SH3PXD2A: variants seen among roughly 807,000 people sequenced by gnomAD.
The protein encoded by SH3PXD2A is SH3 and PX domains 2A.
SH3PXD2A carries 32 observed loss-of-function variants against 115.2 expected under a neutral mutation model. The observed-to-expected ratio is 0.28, with a 90% CI of 0.21 to 0.37. The LOEUF is 0.37. Ranked by LOEUF, SH3PXD2A falls within the 10% of genes least tolerant of loss-of-function variation. The pLI, the probability that SH3PXD2A is intolerant of heterozygous loss-of-function variation, is 1.00. For missense variants in SH3PXD2A, 1,328 were observed against 1,498.7 expected (o/e 0.89, Z 1.88); for synonymous variants, 610 against 629.1 (o/e 0.97, Z 0.45).
rs888408524 is a variant in SH3PXD2A at position 103,598,966 on chromosome 10, A to T, written c.*2850T>A. 1 of 152,592 alleles carries T rather than the reference A, an allele frequency of 6.6e-6. No homozygotes were observed. The highest frequency in any genetic ancestry group is 6.5e-5 in the Admixed American group (1 of 15,288). 9.5% of individuals were successfully genotyped at this position (152,592 alleles called of 1,614,324 possible). A position where few individuals can be genotyped will look rare whatever the true frequency, so the allele number is the denominator to read the frequency against. Reference sequence around the variant, plus strand: ...TCACTGCCCAAATCTACATGCTGTCACCAGATGGCAGCATTCCCCACTTTT... The same window carrying T: ...TCACTGCCCAAATCTACATGCTGTCTCCAGATGGCAGCATTCCCCACTTTT... On this transcript the variant is annotated 3_prime_UTR_variant, in exon 15 of 15. Transcript: ENST00000369774.
chr10:103,736,843 T>C (rs1438449636), intron 3 of SH3PXD2A: 1 of 1,179,818 alleles, frequency 8.5e-7, no homozygotes, highest in East Asian at 5.7e-5. Flanking sequence ...GAAGGCATCT[T>C]CCACTCCCAG....
rs574391392 is a variant in SH3PXD2A, at chr10:103,600,915, A to C, written c.*901T>G. The C allele has an allele frequency of 6.6e-6, 1 of 152,318 alleles. No homozygotes were observed. The highest frequency in any genetic ancestry group is 6.5e-5 in the Admixed American group (1 of 15,302). 9.4% of individuals were successfully genotyped at this position (152,318 alleles called of 1,614,324 possible). On this transcript the variant is annotated 3_prime_UTR_variant, in exon 15 of 15. Coordinates refer to ENST00000369774, the MANE Select transcript of SH3PXD2A (RefSeq NM_001394015.1). Reference sequence around the variant, plus strand: ...ATCCCCTTCCCATGTGAGGCCGACCACCCAGGCCCCCAAACAACCCCTAAA... The same window carrying C: ...ATCCCCTTCCCATGTGAGGCCGACCCCCCAGGCCCCCAAACAACCCCTAAA...
At chr10:103,662,019 G>A in intron 7 of SH3PXD2A, 2 of 928,734 alleles carry the variant, frequency 2.2e-6, no homozygotes, top group Non-Finnish European at 2.6e-6. Context: ...CCTGCCCCCA[G>A]CCCTGCTTCC....
chr10:103,855,146 C>G, intron 1 of SH3PXD2A, 49 bp downstream of exon 1: 1 of 1,420,728 alleles, frequency 7.0e-7, no homozygotes, highest in Admixed American at 2.3e-5. Context: ...CCGGGGCCCT[C>G]CCGGGACCTC....
rs141721736 is a variant in SH3PXD2A at position 103,808,686 on chromosome 10, C to T, written c.73-7324G>A. Among the ~76,000 whole-genome samples, 113 of 152,292 alleles carry T rather than the reference C, an allele frequency of 7.4e-4. 1 individual carries two copies. Among genetic ancestry groups the T allele is most frequent in the African/African-American group, 2.5e-3 (103 of 41,556 alleles). The stretch of plus-strand genomic sequence containing the variant: ...TCATAGTATGCTTTCCATGATTAGT[C>T]AATTATTATATCTGCCTTCGTTTGC... On this transcript the variant is annotated intron_variant, in intron 1 of 14. Transcript: ENST00000369774.
chr10:103,617,160 CGA>C (rs1564845245), intron 11 of SH3PXD2A, 35 bp downstream of exon 11: 1 of 1,447,440 alleles, frequency 6.9e-7, no homozygotes, highest in Non-Finnish European at 9.7e-7. Context: ...CCCAGGTGGG[CGA>C]GAGGCATCTC....
At chr10:103,754,169 G>C (rs1208351622) in intron 3 of SH3PXD2A, 1 of 152,166 alleles carries the variant, frequency 6.6e-6, no homozygotes. Flanking sequence ...AGCAAAATAT[G>C]CTCCTTTCAA....
intron 1 of SH3PXD2A, among the ~76,000 whole-genome samples, chr10:103,845,529 C>T (rs1404122480): frequency 1.3e-5 from 2 of 152,130 alleles, no homozygotes; most frequent in Non-Finnish European, 1.5e-5. Flanking sequence ...TATATGGTCT[C>T]ACAAGAGGAA....
intron 6 of SH3PXD2A, among the ~76,000 whole-genome samples, chr10:103,680,029 G>C (rs1172460782): frequency 1.3e-5 from 2 of 151,924 alleles, no homozygotes; most frequent in Non-Finnish European, 2.9e-5. Flanking sequence ...ACCCAGGCTG[G>C]AGTGCAATGG....
At chr10:103,716,123 C>A (rs1243310799) in intron 5 of SH3PXD2A, among the ~76,000 whole-genome samples, 1 of 152,208 alleles carries the variant, frequency 6.6e-6, no homozygotes, top group Non-Finnish European at 1.5e-5. Context: ...TCTGCCCTGG[C>A]CCTCCTTCCC....
intron 3 of SH3PXD2A, chr10:103,754,313 C>T (rs2038614554): frequency 6.6e-6 from 1 of 152,150 alleles, no homozygotes; most frequent in African/African-American, 2.4e-5. Context: ...CTCAAGTGAT[C>T]CTCACACCTC....
rs1337306228 is a variant in SH3PXD2A at position 103,602,432 on chromosome 10, A to G, written c.2786T>C (p.Ile929Thr). The change falls in exon 15 of 15, where the codon ATC becomes ACC. Residue 929 changes from isoleucine to threonine, a missense_variant. Ile to Thr is a moderately conservative substitution (Grantham distance 89). Coordinates refer to ENST00000369774, the MANE Select transcript of SH3PXD2A (RefSeq NM_001394015.1). ...GTTCAGTGCTTGGACGCGCCTCTCG[A>G]TCTTCTCCAGGCTGTCTGATTTGCC... ...NEGKSDSLEKIERRVQALNTV... is the reference protein window; with the variant it reads ...NEGKSDSLEKTERRVQALNTV... 3.7e-6 allele frequency: 6 copies of G among 1,613,958 alleles called. No homozygotes were observed. Among genetic ancestry groups the G allele is most frequent in the Non-Finnish European group, 5.1e-6 (6 of 1,180,016 alleles).
rs569576107 is a variant in SH3PXD2A, at chr10:103,628,475, C to T, written c.605-1273G>A. ...TGGCTCAGGGGCCTCAGTTGGGTCA[C>T]TGCCCTTTTACGGTCTCGGTGTCCT... On this transcript the variant is annotated intron_variant, in intron 8 of 14. Transcript: ENST00000369774. Among the ~76,000 whole-genome samples, 48 of 152,170 alleles carry T rather than the reference C, an allele frequency of 3.2e-4. No homozygotes were observed. The South Asian group carries it at 9.0e-3, about 28-fold the overall frequency.
chr10:103,645,766 A>G lies in SH3PXD2A; in HGVS notation c.604+15217T>C, dbSNP rs567371120. Among the ~76,000 whole-genome samples the G allele has an allele frequency of 2.0e-5, 3 of 152,304 alleles. No homozygotes were observed. In the East Asian group the frequency reaches 5.8e-4, roughly 29 times the overall value. On this transcript the variant is annotated intron_variant, in intron 8 of 14. Transcript: ENST00000369774. ...CACTGCCTCTCATCCAGGGACCACA[A>G]ACAAAGTCCTCCTGGGTGCAACTCA...
At chr10:103,640,252 T>C (rs1278639134) in intron 8 of SH3PXD2A, among the ~76,000 whole-genome samples, 2 of 151,266 alleles carry the variant, frequency 1.3e-5, no homozygotes, top group Non-Finnish European at 2.9e-5. Flanking sequence ...GAGGTGGAGG[T>C]TGCAGTGAGC....
chr10:103,839,725 TC>T (rs2039579501), intron 1 of SH3PXD2A, among the ~76,000 whole-genome samples: 1 of 151,810 alleles, frequency 6.6e-6, no homozygotes, highest in Non-Finnish European at 1.5e-5. Context: ...CTCCACAACA[TC>T]CCATGATACA....
intron 2 of SH3PXD2A, among the ~76,000 whole-genome samples, chr10:103,788,895 A>G (rs11191809): frequency 0.063 from 9,614 of 152,056 alleles, 850 homozygotes; most frequent in East Asian, 0.29. Context: ...AAATAAAATA[A>G]AATAAACTAG....
At chr10:103,812,617 T>A (rs1379772034) in intron 1 of SH3PXD2A, among the ~76,000 whole-genome samples, 1 of 152,082 alleles carries the variant, frequency 6.6e-6, no homozygotes, top group Admixed American at 6.6e-5. Flanking sequence ...CTGGAGAGAA[T>A]GGCAAAGGTT....
intron 6 of SH3PXD2A, 84 bp downstream of exon 6, chr10:103,692,944 C>CCACA: frequency 9.0e-7 from 1 of 1,109,124 alleles, no homozygotes; most frequent in Non-Finnish European, 1.4e-6. Flanking sequence ...TCCCCGCCCC[C>CCACA]AAGAAGTCCT....
Sources: allele counts gnomAD v4.1 joint callset (sites outside exome capture counted in the v4.1 genomes callset), GRCh38; gene constraint gnomAD v4.1.1; transcripts MANE v1.5; gene names NCBI Gene and HGNC (gene_info 2026-07-23, HGNC 2026-07-21).